Variants in EHMT1 observed in about 807,000 individuals in gnomAD.
EHMT1 encodes euchromatic histone lysine methyltransferase 1.
Under a neutral mutation model 147.2 loss-of-function variants are expected in EHMT1, and 15 were observed. That is an observed-to-expected ratio of 0.10 (90% confidence interval 0.07 to 0.16). EHMT1 has a LOEUF of 0.16. Ranked by LOEUF, EHMT1 falls within the 10% of genes least tolerant of loss-of-function variation. The probability of loss-of-function intolerance (pLI) is 1.00; values close to 1 mark genes in which losing one functional copy is unlikely to be tolerated. For missense variants in EHMT1, 1,587 were observed against 1,772.4 expected (o/e 0.90, Z 1.88); for synonymous variants, 795 against 709.6 (o/e 1.12, Z -1.91).
rs2133165577 is a variant in EHMT1, at chr9:137,835,111, C to A, written c.*158C>A. The A allele has an allele frequency of 2.2e-6, 2 of 902,858 alleles. No individual in the cohort carries two copies. The highest frequency in any genetic ancestry group is 1.8e-5 in the African/African-American group (1 of 55,704). 55.9% of individuals were successfully genotyped at this position (902,858 alleles called of 1,614,324 possible). On this transcript the variant is annotated 3_prime_UTR_variant, in exon 27 of 27. Transcript: ENST00000460843. The stretch of plus-strand genomic sequence containing the variant: ...GAGGTGAGGCTGCAGCCCCTGCGGG[C>A]GGGTGTGGATGCCTCCCAGCCACCT...
intron 17 of EHMT1, among the ~76,000 whole-genome samples, chr9:137,799,601 C>T (rs1588775397): frequency 6.6e-6 from 1 of 152,192 alleles, no homozygotes; most frequent in African/African-American, 2.4e-5. Context: ...TCACCATGCA[C>T]TGGGGGTCCC....
chr9:137,678,734 A>AC (rs1941645266), intron 1 of EHMT1, among the ~76,000 whole-genome samples: 1 of 140,102 alleles, frequency 7.1e-6, no homozygotes, highest in East Asian at 2.3e-4. Flanking sequence ...CCCCCGAAAA[A>AC]CGTATTGCAC....
intron 25 of EHMT1, among the ~76,000 whole-genome samples, chr9:137,829,342 A>G: frequency 6.6e-6 from 1 of 152,236 alleles, no homozygotes; most frequent in South Asian, 2.1e-4. Context: ...ATTTTCAGAC[A>G]TACCAGAAAG....
rs761328727 is a variant in EHMT1 at position 137,834,511 on chromosome 9, G to T, written c.3703G>T (p.Gly1235Cys). 4 of 1,611,202 alleles carry T rather than the reference G, an allele frequency of 2.5e-6. No individual in the cohort carries two copies. The highest frequency in any genetic ancestry group is 3.4e-6 in the Non-Finnish European group (4 of 1,179,718). ...CTTCAGCACCCGCCTGATCGAGGCC[G>T]GCGAGCAGCTCGGGTACGCACCGCC... ...AFFSTRLIEA[G>C]EQLGFDYGER... The change falls in exon 26 of 27, where the codon GGC (glycine) becomes TGC (cysteine). Residue 1235 changes from glycine (G) to cysteine (C), a missense_variant. Physicochemically the swap from Gly to Cys is radical, Grantham distance 159. Coordinates refer to ENST00000460843, the MANE Select transcript of EHMT1 (RefSeq NM_024757.5).
chr9:137,800,082 A>G (rs1588778729), intron 17 of EHMT1, among the ~76,000 whole-genome samples: 1 of 152,020 alleles, frequency 6.6e-6, no homozygotes, highest in Non-Finnish European at 1.5e-5. Flanking sequence ...ACCGCAGGGG[A>G]GATGTAGCTT....
Position 137,811,625 on chromosome 9 carries a change from G to A in EHMT1, c.2867+10G>A. On this transcript the variant is annotated intron_variant, in intron 19 of 26. Coordinates refer to ENST00000460843, the MANE Select transcript of EHMT1 (RefSeq NM_024757.5). ...GCTACGACTGTGTCGTGTGAGTGCA[G>A]TGCTTCCCCCAGCGCGGGCTGGCGC... 6.2e-7 allele frequency: 1 copy of A among 1,600,138 alleles called. No individual in the cohort carries two copies. Among genetic ancestry groups the A allele is most frequent in the Non-Finnish European group, 8.5e-7 (1 of 1,179,924 alleles).
At chr9:137,669,648 C>T (rs1444883739) in intron 1 of EHMT1, among the ~76,000 whole-genome samples, 1 of 151,948 alleles carries the variant, frequency 6.6e-6, no homozygotes, top group African/African-American at 2.4e-5. Context: ...ACTTTTTGCT[C>T]TCTTCGGAGC....
chr9:137,620,801 C>T (rs71510836), intron 1 of EHMT1, among the ~76,000 whole-genome samples: 4 of 152,072 alleles, frequency 2.6e-5, no homozygotes, highest in Non-Finnish European at 4.4e-5. Context: ...AATACATGAC[C>T]GATGAGCAAA....
chr9:137,705,886 C>T (rs889486385), intron 1 of EHMT1, among the ~76,000 whole-genome samples: 1 of 152,244 alleles, frequency 6.6e-6, no homozygotes, highest in Non-Finnish European at 1.5e-5. Flanking sequence ...GTCCCCTCCT[C>T]TCCCCACAGC....
chr9:137,675,049 T>G (rs1941107822), intron 1 of EHMT1: 1 of 152,214 alleles, frequency 6.6e-6, no homozygotes, highest in Non-Finnish European at 1.5e-5. Context: ...AAAAAAAAAT[T>G]CATTCTTAGC....
intron 7 of EHMT1, 131 bp downstream of exon 7, chr9:137,752,539 G>A: frequency 9.4e-7 from 1 of 1,058,402 alleles, no homozygotes; most frequent in Non-Finnish European, 1.4e-6. Context: ...GCTGGTCATG[G>A]TGATGGCCAC....
At chr9:137,675,802 T>TTTTG (rs35541714) in intron 1 of EHMT1, among the ~76,000 whole-genome samples, 12 of 104,734 alleles carry the variant, frequency 1.1e-4, no homozygotes, top group Admixed American at 4.2e-4. Flanking sequence ...TTTTTTTTTT[T>TTTTG]AGACGGAGTC....
chr9:137,643,053 A>AT (rs978984915), intron 1 of EHMT1, among the ~76,000 whole-genome samples: 29 of 148,728 alleles, frequency 1.9e-4, no homozygotes, highest in East Asian at 5.9e-4. Flanking sequence ...CTGATTTTTA[A>AT]TTTTTTTTTT....
At chr9:137,737,824 G>A (rs1947674714) in intron 4 of EHMT1, among the ~76,000 whole-genome samples, 2 of 152,126 alleles carry the variant, frequency 1.3e-5, no homozygotes, top group African/African-American at 4.8e-5. Context: ...CAAATCCTAT[G>A]TCTGATGAGG....
intron 1 of EHMT1, among the ~76,000 whole-genome samples, chr9:137,629,324 T>G (rs1359903538): frequency 6.6e-6 from 1 of 151,606 alleles, no homozygotes; most frequent in Non-Finnish European, 1.5e-5. Context: ...ACTCGTGACC[T>G]CAGGTGATCT....
intron 1 of EHMT1, among the ~76,000 whole-genome samples, chr9:137,672,543 C>T (rs1940798838): frequency 6.6e-6 from 1 of 152,242 alleles, no homozygotes; most frequent in Non-Finnish European, 1.5e-5. Context: ...TTGGGGTACT[C>T]AGTGTGTTTA....
At chr9:137,623,329 C>T (rs1843052595) in intron 1 of EHMT1, among the ~76,000 whole-genome samples, 1 of 152,132 alleles carries the variant, frequency 6.6e-6, no homozygotes, top group Non-Finnish European at 1.5e-5. Flanking sequence ...TTATTCCCTC[C>T]TGGTGATGGA....
intron 1 of EHMT1, among the ~76,000 whole-genome samples, chr9:137,704,735 C>T (rs1944106347): frequency 6.6e-6 from 1 of 152,056 alleles, no homozygotes; most frequent in South Asian, 2.1e-4. Flanking sequence ...CTGGAAATCC[C>T]AGGCTCTGGG....
chr9:137,679,861 TC>T (rs1439503906), intron 1 of EHMT1, among the ~76,000 whole-genome samples: 4 of 152,236 alleles, frequency 2.6e-5, no homozygotes, highest in South Asian at 2.1e-4. Context: ...AGTCAGGAGT[TC>T]CTTGTTTCAG....
Sources: gnomAD v4.1 joint callset for allele counts (sites outside exome capture counted in the v4.1 genomes callset) on GRCh38, gnomAD v4.1.1 for gene constraint, MANE v1.5 for transcripts, NCBI Gene and HGNC (gene_info 2026-07-23, HGNC 2026-07-21) for gene names.